ATP8A1: variants seen among roughly 807,000 people sequenced by gnomAD.
ATP8A1 encodes phospholipid-transporting ATPase IA.
In ATP8A1, 90 loss-of-function variants were observed where a neutral mutation model predicts 177.7. The observed-to-expected ratio is 0.51, with a 90% CI of 0.43 to 0.60. The LOEUF (loss-of-function observed/expected upper bound fraction) is 0.60. ATP8A1 is among the 20% of genes least tolerant of loss of function. The pLI is 0.00. For synonymous variants in ATP8A1, 493 were observed against 485.9 expected, an observed-to-expected ratio of 1.01 and a Z score of -0.19; for missense variants, 1,072 against 1,392.8, an observed-to-expected ratio of 0.77 and a Z score of 3.67.
chr4:42,615,094 G>T (rs1577706259), intron 5 of ATP8A1, among the ~76,000 whole-genome samples: 1 of 152,002 alleles, frequency 6.6e-6, no homozygotes, highest in Non-Finnish European at 1.5e-5. Context: ...TATGTTATAA[G>T]CTCTTTATAA....
At chr4:42,557,107 T>C (rs1730316582) in intron 15 of ATP8A1, among the ~76,000 whole-genome samples, 1 of 152,208 alleles carries the variant, frequency 6.6e-6, no homozygotes, top group Non-Finnish European at 1.5e-5. Context: ...AGGAGGAAGT[T>C]AGAATGTTTA....
At position 42,551,292 on chromosome 4, in the gene ATP8A1, A is replaced by C; in HGVS notation, c.1520-12T>G. On this transcript the variant is annotated splice_polypyrimidine_tract_variant and intron_variant, in intron 17 of 36. Transcript: ENST00000381668. ...CAATGCTCCCTCATCTGTTTTAGAA[A>C]AAGAGGTAAAAGCAAACACATGATT... 6.2e-7 allele frequency: 1 copy of C among 1,601,370 alleles called. No individual in the cohort carries two copies.
intron 5 of ATP8A1, among the ~76,000 whole-genome samples, chr4:42,604,116 T>A (rs578176097): frequency 1.3e-5 from 2 of 152,110 alleles, no homozygotes; most frequent in African/African-American, 4.8e-5. Flanking sequence ...CATGTTTCCA[T>A]GCCTAGAATT....
intron 33 of ATP8A1, among the ~76,000 whole-genome samples, chr4:42,426,940 G>A (rs1346977635): frequency 1.3e-5 from 2 of 152,158 alleles, no homozygotes; most frequent in African/African-American, 4.8e-5. Context: ...TGACTACACC[G>A]GCATAATATA....
chr4:42,516,034 GC>G (rs1396935685), intron 22 of ATP8A1, among the ~76,000 whole-genome samples: 1 of 152,096 alleles, frequency 6.6e-6, no homozygotes, highest in Non-Finnish European at 1.5e-5. Context: ...TAGGGGGCAG[GC>G]TTTCATTAAG....
chr4:42,551,350 C>T, intron 17 of ATP8A1, 70 bp from the exon 18 acceptor site: 4 of 1,032,254 alleles, frequency 3.9e-6, no homozygotes, highest in East Asian at 4.8e-5. Flanking sequence ...AAGAGAAGTA[C>T]ATTAAGGTAA....
chr4:42,636,154 A>ACACACACACACACACACGCGTGCGCGTG (rs1739344458), intron 1 of ATP8A1, among the ~76,000 whole-genome samples: 9 of 47,540 alleles, frequency 1.9e-4, no homozygotes, highest in Non-Finnish European at 1.4e-4. Flanking sequence ...ACACACACAC[A>ACACACACACACACACACGCGTGCGCGTG]CACGCACACA....
chr4:42,618,685 A>T (rs1560525682), intron 4 of ATP8A1, among the ~76,000 whole-genome samples: 1 of 152,094 alleles, frequency 6.6e-6, no homozygotes, highest in Admixed American at 6.5e-5. Context: ...AAGTGACAAA[A>T]CCCCTTCCTT....
At position 42,573,783 on chromosome 4, in the gene ATP8A1, G is replaced by C. The variant is rs542501589; in HGVS notation, c.1295+836C>G. ...ACTGGCTTACTGCTCAGAGTGAGTG[G>C]GGAAGAGTGGGTGCAAGCCAGAAAA... On this transcript the variant is annotated intron_variant, in intron 14 of 36. Coordinates refer to ENST00000381668, the MANE Select transcript of ATP8A1 (RefSeq NM_006095.2). Among the ~76,000 whole-genome samples the C allele has an allele frequency of 2.0e-5, 3 of 152,264 alleles. No individual in the cohort carries two copies. In the East Asian group the frequency reaches 5.8e-4, roughly 29 times the overall value.
At chr4:42,436,384 C>T (rs149091897) in intron 33 of ATP8A1, among the ~76,000 whole-genome samples, 85 of 152,334 alleles carry the variant, frequency 5.6e-4, no homozygotes, top group African/African-American at 2.0e-3. Flanking sequence ...TGCTGGTTCT[C>T]GTAATGGCTC....
chr4:42,533,398 G>A (rs915010912), intron 20 of ATP8A1, among the ~76,000 whole-genome samples: 1 of 152,078 alleles, frequency 6.6e-6, no homozygotes, highest in African/African-American at 2.4e-5. Flanking sequence ...CACTTCCCTG[G>A]TGATGTGTGT....
intron 18 of ATP8A1, among the ~76,000 whole-genome samples, chr4:42,549,534 A>AT (rs1207669243): frequency 6.6e-6 from 1 of 152,150 alleles, no homozygotes; most frequent in East Asian, 1.9e-4. Flanking sequence ...CATGCCTGTA[A>AT]TCCCAGTGCT....
At chr4:42,628,472 C>T (rs912436479) in intron 1 of ATP8A1, among the ~76,000 whole-genome samples, 1 of 152,054 alleles carries the variant, frequency 6.6e-6, no homozygotes, top group Non-Finnish European at 1.5e-5. Context: ...GAGGACCCTG[C>T]GCTCTGCTTG....
intron 29 of ATP8A1, among the ~76,000 whole-genome samples, chr4:42,455,044 C>T (rs558214675): frequency 5.6e-4 from 86 of 152,234 alleles, no homozygotes; most frequent in African/African-American, 2.0e-3. Context: ...AGCTTTATTG[C>T]TGCCTTACAA....
At chr4:42,446,941 C>A (rs758844464) in intron 30 of ATP8A1, among the ~76,000 whole-genome samples, 1 of 151,670 alleles carries the variant, frequency 6.6e-6, no homozygotes, top group Non-Finnish European at 1.5e-5. Context: ...CAGGAAAGGG[C>A]ATTCTGGATC....
rs563285062 is a variant in ATP8A1 at position 42,507,078 on chromosome 4, A to C, written c.2024T>G (p.Met675Arg). The C allele has an allele frequency of 5.0e-5, 81 of 1,613,964 alleles. No homozygotes were observed. Among genetic ancestry groups the C allele is most frequent in the Non-Finnish European group, 6.6e-5 (78 of 1,179,948 alleles). Residue 675 changes from methionine to arginine, a missense_variant, in exon 23 of 37, where the codon ATG (methionine) becomes AGG (arginine). Coordinates refer to ENST00000381668, the MANE Select transcript of ATP8A1 (RefSeq NM_006095.2). ...GATCCAGATTTTGATGTCTGCTTTC[A>C]TTAGCGTTTCTATGGTTTCAGGCAC... Reference protein sequence around the residue: ...DQVPETIETLMKADIKIWILT... With the variant: ...DQVPETIETLRKADIKIWILT...
chr4:42,594,939 C>A (rs1734578974), intron 6 of ATP8A1, among the ~76,000 whole-genome samples: 1 of 152,094 alleles, frequency 6.6e-6, no homozygotes, highest in Non-Finnish European at 1.5e-5. Context: ...AAAAATTAAT[C>A]TCTTCATTGT....
intron 14 of ATP8A1, among the ~76,000 whole-genome samples, chr4:42,572,565 A>G (rs1366044775): frequency 6.6e-6 from 1 of 152,186 alleles, no homozygotes; most frequent in Non-Finnish European, 1.5e-5. Context: ...TAAAAACTCA[A>G]GGTTAAGGAT....
intron 20 of ATP8A1, among the ~76,000 whole-genome samples, chr4:42,534,895 A>T (rs913989897): frequency 4.6e-5 from 7 of 152,332 alleles, no homozygotes; most frequent in Admixed American, 4.6e-4. Context: ...AGAATTTTGT[A>T]TCCAGCGAAA....
Sources: gnomAD v4.1 joint callset for allele counts (sites outside exome capture counted in the v4.1 genomes callset) on GRCh38, gnomAD v4.1.1 for gene constraint, MANE v1.5 for transcripts, NCBI Gene and HGNC (gene_info 2026-07-23, HGNC 2026-07-21) for gene names.